Variants in AKAP6 observed in about 807,000 individuals in gnomAD.
AKAP6 encodes the protein A-kinase anchor protein 6.
In AKAP6, 58 loss-of-function variants were observed where a neutral mutation model predicts 188.5. The ratio of observed to expected loss-of-function variants is 0.31; its 90% CI spans 0.25 to 0.38. The LOEUF is 0.38. Among genes scored for constraint, AKAP6 ranks in the 10% least tolerant of loss-of-function variants. The pLI, the probability that AKAP6 is intolerant of heterozygous loss-of-function variation, is 1.00. For missense variants in AKAP6, 2,710 were observed against 2,740.0 expected (o/e 0.99, Z 0.24); for synonymous variants, 989 against 998.6 (o/e 0.99, Z 0.18).
chr14:32,434,153 G>T (rs1449201251), intron 2 of AKAP6, among the ~76,000 whole-genome samples: 1 of 152,138 alleles, frequency 6.6e-6, no homozygotes, highest in Non-Finnish European at 1.5e-5. Flanking sequence ...ACTCTTATAG[G>T]TAAAATATCA....
chr14:32,721,816 C>T (rs766950929), intron 9 of AKAP6, among the ~76,000 whole-genome samples: 17 of 152,124 alleles, frequency 1.1e-4, no homozygotes, highest in Non-Finnish European at 2.2e-4. Flanking sequence ...TATGGCTGAT[C>T]TTATGAATGT....
At position 32,829,956 on chromosome 14, in the gene AKAP6, A is replaced by G; in HGVS notation, c.*151A>G. ...TATTACATTGACTTCTCCCAAGATG[A>G]ATCTTCCTTCCAAATGTGTTTTCTC... On this transcript the variant is annotated 3_prime_UTR_variant, in exon 14 of 14. Coordinates refer to ENST00000280979, the MANE Select transcript of AKAP6 (RefSeq NM_004274.5). 4 of 702,530 alleles carry G rather than the reference A, an allele frequency of 5.7e-6. No individual in the cohort carries two copies. The highest frequency in any genetic ancestry group is 1.0e-5 in the Non-Finnish European group (4 of 384,740). 43.5% of individuals were successfully genotyped at this position (702,530 alleles called of 1,614,324 possible). A position where few individuals can be genotyped will look rare whatever the true frequency, so the allele number is the denominator to read the frequency against.
At position 32,763,423 on chromosome 14, in the gene AKAP6, C is replaced by T. The variant is rs570820087; in HGVS notation, c.3373-10255C>T. 2.0e-5 allele frequency among the ~76,000 whole-genome samples: 3 copies of T among 152,126 alleles called. No individual in the cohort carries two copies. In the East Asian group the frequency reaches 5.8e-4, roughly 29 times the overall value. On this transcript the variant is annotated intron_variant, in intron 11 of 13. Transcript: ENST00000280979. ...GTTTTTCTACAAATGGTCCTGAAGACAGTGTTATGCTTTTAAAATCTGCTA... is the reference window on the plus strand; with the variant it reads ...GTTTTTCTACAAATGGTCCTGAAGATAGTGTTATGCTTTTAAAATCTGCTA...
At chr14:32,639,253 G>A (rs1483687318) in intron 7 of AKAP6, among the ~76,000 whole-genome samples, 1 of 152,088 alleles carries the variant, frequency 6.6e-6, no homozygotes, top group East Asian at 1.9e-4. Context: ...TATGGTTTGT[G>A]GCTAATCATT....
intron 7 of AKAP6, among the ~76,000 whole-genome samples, chr14:32,631,313 C>T (rs887725215): frequency 6.6e-6 from 1 of 152,034 alleles, no homozygotes; most frequent in Admixed American, 6.6e-5. Context: ...TGCAAACAAA[C>T]TCATGATGTT....
At chr14:32,725,000 A>AAAAAAAAAC (rs1566668763) in intron 9 of AKAP6, among the ~76,000 whole-genome samples, 1 of 148,232 alleles carries the variant, frequency 6.7e-6, no homozygotes, top group Non-Finnish European at 1.5e-5. Flanking sequence ...TAAAAAAAAA[A>AAAAAAAAAC]AAAAAAAAAA....
intron 5 of AKAP6, among the ~76,000 whole-genome samples, chr14:32,580,765 C>T (rs1277007606): frequency 2.0e-5 from 3 of 151,892 alleles, no homozygotes; most frequent in African/African-American, 7.3e-5. Context: ...CATGTGTTCT[C>T]ATTGTTCAAT....
chr14:32,471,783 G>A (rs911279329), intron 2 of AKAP6, among the ~76,000 whole-genome samples: 1 of 152,094 alleles, frequency 6.6e-6, no homozygotes, highest in Non-Finnish European at 1.5e-5. Flanking sequence ...TAATTCTGTT[G>A]ACATTGCTTC....
chr14:32,662,930 G>T (rs1399172508), intron 7 of AKAP6, among the ~76,000 whole-genome samples: 3 of 151,958 alleles, frequency 2.0e-5, no homozygotes, highest in Non-Finnish European at 4.4e-5. Context: ...AACATCAGAT[G>T]AGCTATAGTT....
At chr14:32,447,780 C>A (rs1951189) in intron 2 of AKAP6, among the ~76,000 whole-genome samples, 89,585 of 151,978 alleles carry the variant, frequency 0.59, 28,177 homozygotes, top group African/African-American at 0.82. Flanking sequence ...GCAACTTAAT[C>A]ATTCATTTAC....
intron 4 of AKAP6, among the ~76,000 whole-genome samples, chr14:32,569,484 C>A (rs1884367746): frequency 6.6e-6 from 1 of 152,138 alleles, no homozygotes; most frequent in African/African-American, 2.4e-5. Context: ...GTAGTAGAGT[C>A]CAAAGCACAG....
intron 2 of AKAP6, among the ~76,000 whole-genome samples, chr14:32,467,055 G>A (rs983305646): frequency 6.6e-6 from 1 of 151,438 alleles, no homozygotes; most frequent in African/African-American, 2.4e-5. Context: ...TTGAGGTGAA[G>A]AGTGGGAGGA....
chr14:32,445,887 T>TTA (rs1890738511), intron 2 of AKAP6, among the ~76,000 whole-genome samples: 1 of 152,188 alleles, frequency 6.6e-6, no homozygotes, highest in Non-Finnish European at 1.5e-5. Context: ...ACTAACAGAC[T>TTA]TTAAATAATT....
intron 1 of AKAP6, among the ~76,000 whole-genome samples, chr14:32,409,829 C>G (rs185961488): frequency 6.6e-6 from 1 of 152,120 alleles, no homozygotes; most frequent in East Asian, 1.9e-4. Context: ...CCAGGAGAGT[C>G]CACTTGGTTT....
intron 9 of AKAP6, among the ~76,000 whole-genome samples, chr14:32,730,235 T>A (rs1285259452): frequency 6.6e-6 from 1 of 152,172 alleles, no homozygotes; most frequent in African/African-American, 2.4e-5. Context: ...AACTAGATAC[T>A]CTTAGCTTTT....
intron 8 of AKAP6, among the ~76,000 whole-genome samples, chr14:32,678,892 T>C (rs1293042284): frequency 6.6e-6 from 1 of 152,230 alleles, no homozygotes; most frequent in Non-Finnish European, 1.5e-5. Flanking sequence ...AGAAATTTAA[T>C]AATTGTTTAG....
At chr14:32,599,313 C>A in intron 5 of AKAP6, 97 bp from the exon 6 acceptor site, 2 of 930,186 alleles carry the variant, frequency 2.2e-6, no homozygotes, top group East Asian at 2.5e-5. Flanking sequence ...GTAAATTGGG[C>A]TGTGTGGTTC....
At chr14:32,814,791 C>T (rs1198694564) in intron 12 of AKAP6, among the ~76,000 whole-genome samples, 1 of 152,102 alleles carries the variant, frequency 6.6e-6, no homozygotes, top group Admixed American at 6.6e-5. Flanking sequence ...TGCAGTGGTA[C>T]AATCATAGCT....
intron 11 of AKAP6, among the ~76,000 whole-genome samples, chr14:32,753,487 TTG>T (rs2032216603): frequency 6.6e-6 from 1 of 152,192 alleles, no homozygotes; most frequent in Non-Finnish European, 1.5e-5. Context: ...TTTCACTCTG[TTG>T]ATTGTTTCCT....
Sources: gnomAD v4.1 joint callset for allele counts (sites outside exome capture counted in the v4.1 genomes callset) on GRCh38, gnomAD v4.1.1 for gene constraint, MANE v1.5 for transcripts, NCBI Gene and HGNC (gene_info 2026-07-23, HGNC 2026-07-21) for gene names.